TOP1MT: variants seen among roughly 807,000 people sequenced by gnomAD.
TOP1MT encodes DNA topoisomerase I, mitochondrial.
Under a neutral mutation model 73.9 loss-of-function variants are expected in TOP1MT, and 80 were observed. The observed-to-expected ratio is 1.08, with a 90% CI of 0.90 to 1.30. TOP1MT has a LOEUF of 1.30. TOP1MT is among the 50% of genes most tolerant of loss of function. TOP1MT has a pLI of 0.00. For synonymous variants in TOP1MT, 338 were observed against 326.4 expected, an observed-to-expected ratio of 1.04 and a Z score of -0.38; for missense variants, 815 against 808.0, an observed-to-expected ratio of 1.01 and a Z score of -0.10.
At chr8:143,346,993 ATTTATTTT>A (rs1386222561), upstream of TOP1MT, among the ~76,000 whole-genome samples, 1 of 149,800 alleles carries the variant, frequency 6.7e-6, no homozygotes. Context: ...TTATTTATTT[ATTTATTTT>A]GAGAGATGGA....
In TOP1MT at chr8:143,317,754, A is replaced by G; in HGVS notation, c.1299T>C (p.Thr433=). 1 of 1,614,004 alleles carries G rather than the reference A, an allele frequency of 6.2e-7. No individual in the cohort carries two copies. Among genetic ancestry groups the G allele is most frequent in the Non-Finnish European group, 8.5e-7 (1 of 1,180,012 alleles). The change falls in exon 10 of 14, where the codon ACT becomes ACC. Residue 433 remains threonine, a synonymous_variant. Coordinates refer to ENST00000329245, the MANE Select transcript of TOP1MT (RefSeq NM_052963.3). ...KVFRTYNASI[T]LQEQLRALTR... ...TCAGGGCCCGCAGCTGCTCCTGCAG[A>G]GTGATGGAGGCGTTGTAGGTCCGGA...
At chr8:143,339,069 C>T (rs949053487), upstream of TOP1MT, among the ~76,000 whole-genome samples, 5 of 152,286 alleles carry the variant, frequency 3.3e-5, no homozygotes, top group South Asian at 2.1e-4. Context: ...CCTATAAAGA[C>T]GTTTCCCACC....
At position 143,317,724 on chromosome 8, in the gene TOP1MT, G is replaced by T; in HGVS notation, c.1329C>A (p.Arg443=). 1 of 1,613,076 alleles carries T rather than the reference G, an allele frequency of 6.2e-7. No homozygotes were observed. The highest frequency in any genetic ancestry group is 8.5e-7 in the Non-Finnish European group (1 of 1,179,560). ...TLQEQLRALT[R]AEDSIAAKIL... ...AGTGTGGGTGTGGGGCAGGCTCACC[G>T]CGCGTCAGGGCCCGCAGCTGCTCCT... Residue 443 remains arginine, a splice_region_variant and synonymous_variant, in exon 10 of 14, where the codon CGC becomes CGA. Transcript: ENST00000329245.
At chr8:143,324,701 C>A in intron 5 of TOP1MT, 72 bp from the exon 6 acceptor site, 2 of 1,556,830 alleles carry the variant, frequency 1.3e-6, no homozygotes, top group Non-Finnish European at 1.7e-6. Context: ...AGGAGCTGCT[C>A]TGGTCAACCG....
intron 12 of TOP1MT, among the ~76,000 whole-genome samples, chr8:143,312,621 A>G (rs1346517113): frequency 6.6e-6 from 1 of 152,224 alleles, no homozygotes; most frequent in Non-Finnish European, 1.5e-5. Flanking sequence ...ATTCCATGAT[A>G]AAAGCATGAG....
At chr8:143,323,100 C>A (rs1424770405) in intron 7 of TOP1MT, among the ~76,000 whole-genome samples, 4 of 142,628 alleles carry the variant, frequency 2.8e-5, no homozygotes, top group African/African-American at 1.1e-4. Flanking sequence ...GCATGCCAAA[C>A]ACGCACGCCA....
chr8:143,342,393 GTTA>G lies in TOP1MT; in HGVS notation c.29+824_29+826del, dbSNP rs1271472824. 2.3e-3 allele frequency among the ~76,000 whole-genome samples: 184 copies of G among 81,748 alleles called. 4 individuals are homozygous for G. The South Asian group carries it at 0.024, about 10-fold the overall frequency. The allele number at this position is 81,748 out of a possible 152,430, so 53.6% of individuals were successfully genotyped here. A position where few individuals can be genotyped will look rare whatever the true frequency, so the allele number is the denominator to read the frequency against. ...TTATTATTAGAGACAGAGCCTCGCTGTTATTATTATTATTATTAGAGACAGAGT... is the reference window on the plus strand; with the variant it reads ...TTATTATTAGAGACAGAGCCTCGCTGTTATTATTATTATTAGAGACAGAGT... On this transcript the variant is annotated intron_variant, in intron 2 of 5. Transcript: ENST00000518007.
rs1202410424 is a variant in TOP1MT, at chr8:143,325,848, G to A, written c.484-315C>T. ...CCCGCCATGGAGGAGGAGGGCTAAG[G>A]GAATCCCTGAGAAGGCCACATGGAG... On this transcript the variant is annotated intron_variant, in intron 4 of 13. Transcript: ENST00000329245. Among the ~76,000 whole-genome samples the A allele has an allele frequency of 2.6e-5, 4 of 152,192 alleles. No homozygotes were observed. In the East Asian group the frequency reaches 5.8e-4, roughly 22 times the overall value.
upstream of TOP1MT, among the ~76,000 whole-genome samples, chr8:143,335,715 G>A (rs1216351408): frequency 6.6e-6 from 1 of 152,250 alleles, no homozygotes; most frequent in Admixed American, 6.5e-5. Flanking sequence ...GGAAGCAGAT[G>A]AATTCACATG....
intron 7 of TOP1MT, among the ~76,000 whole-genome samples, chr8:143,323,102 C>CAT (rs1816562651): frequency 7.2e-6 from 1 of 139,358 alleles, no homozygotes; most frequent in African/African-American, 2.8e-5. Context: ...ATGCCAAACA[C>CAT]GCACGCCACA....
rs772242125 is a variant in TOP1MT at position 143,331,307 on chromosome 8, T to C, written c.155A>G (p.Lys52Arg). The C allele has an allele frequency of 1.2e-6, 2 of 1,612,702 alleles. No individual in the cohort carries two copies. The highest frequency in any genetic ancestry group is 1.7e-5 in the Admixed American group (1 of 59,946). ...WEKEKHEDGV[K>R]WRQLEHKGPY... ...GCCCTTGTGCTCCAGCTGTCTCCACTTCACCCCGTCTTCGTGCTTCTCCTT... is the reference window on the plus strand; with the variant it reads ...GCCCTTGTGCTCCAGCTGTCTCCACCTCACCCCGTCTTCGTGCTTCTCCTT... The change falls in exon 2 of 14, where the codon AAG becomes AGG. Residue 52 changes from lysine to arginine, a missense_variant. By Grantham distance (26) the Lys-to-Arg change is conservative. Transcript: ENST00000329245.
At chr8:143,313,550 CAA>C (rs34073373) in intron 12 of TOP1MT, among the ~76,000 whole-genome samples, 14 of 103,358 alleles carry the variant, frequency 1.4e-4, no homozygotes, top group Admixed American at 2.3e-4. Context: ...ACTCCATCAC[CAA>C]AAAAAAAAAA....
At position 143,342,258 on chromosome 8, in the gene TOP1MT, G is replaced by A. The variant is rs189329197; in HGVS notation, c.29+962C>T. Among the ~76,000 whole-genome samples the A allele has an allele frequency of 1.6e-3, 197 of 123,544 alleles. 2 individuals are homozygous for A. Among genetic ancestry groups the A allele is most frequent in the Middle Eastern group, 5.3e-3 (1 of 188 alleles). The allele number at this position is 123,544 out of a possible 152,430, so 81.0% of individuals were successfully genotyped here. A position where few individuals can be genotyped will look rare whatever the true frequency, so the allele number is the denominator to read the frequency against. ...TTATTATTATTAGAGACAGAGTCTC[G>A]CTCTGTTATTATTATTATTAGAGAC... On this transcript the variant is annotated intron_variant, in intron 2 of 5. Coordinates refer to the TOP1MT transcript ENST00000518007.
At chr8:143,321,953 G>A (rs1191637467) in intron 7 of TOP1MT, among the ~76,000 whole-genome samples, 5 of 69,130 alleles carry the variant, frequency 7.2e-5, no homozygotes, top group Non-Finnish European at 1.1e-4. Context: ...CGCCACACAC[G>A]CACGCCACAC....
chr8:143,330,391 T>C (rs1277805062), intron 2 of TOP1MT, among the ~76,000 whole-genome samples: 1 of 152,116 alleles, frequency 6.6e-6, no homozygotes, highest in Non-Finnish European at 1.5e-5. Flanking sequence ...AGACGCTCAG[T>C]AAGGTCCCAT....
intron 7 of TOP1MT, among the ~76,000 whole-genome samples, chr8:143,322,034 T>C (rs372724435): frequency 1.3e-4 from 5 of 37,570 alleles, no homozygotes; most frequent in African/African-American, 1.8e-4. Context: ...AGGCACGCCA[T>C]ACAGATGCAT....
rs748936884 is a variant in TOP1MT at position 143,309,904 on chromosome 8, T to C, written c.1703+164A>G. 4 of 1,578,856 alleles carry C rather than the reference T, an allele frequency of 2.5e-6. No homozygotes were observed. In the African/African-American group the frequency reaches 4.0e-5, roughly 16 times the overall value. Reference sequence around the variant, plus strand: ...TCCGAACGTTCAGGGCAGGGAGAGCTGATGACACAGGACTCAGCATCATGG... The same window carrying C: ...TCCGAACGTTCAGGGCAGGGAGAGCCGATGACACAGGACTCAGCATCATGG... On this transcript the variant is annotated intron_variant, in intron 13 of 13. Coordinates refer to ENST00000329245, the MANE Select transcript of TOP1MT (RefSeq NM_052963.3).
rs928117843 is a variant in TOP1MT at position 143,321,091 on chromosome 8, G to T, written c.1146+110C>A. The T allele has an allele frequency of 7.3e-5, 85 of 1,162,998 alleles. No homozygotes were observed. In the African/African-American group the frequency reaches 1.3e-3, roughly 18 times the overall value. The allele number at this position is 1,162,998 out of a possible 1,614,324, so 72.0% of individuals were successfully genotyped here. A position where few individuals can be genotyped will look rare whatever the true frequency, so the allele number is the denominator to read the frequency against. ...CGGCACAGCAGGCCTCACCCAGCAG[G>T]CAGGACGTGGCAAACGGGCCACAGA... On this transcript the variant is annotated intron_variant, in intron 8 of 13. Coordinates refer to ENST00000329245, the MANE Select transcript of TOP1MT (RefSeq NM_052963.3).
intron 1 of TOP1MT, among the ~76,000 whole-genome samples, chr8:143,331,543 C>G (rs1006054418): frequency 1.3e-5 from 2 of 152,220 alleles, no homozygotes; most frequent in Admixed American, 1.3e-4. Context: ...CCATGCCCCC[C>G]ACCTGCAGAG....
Sources: allele counts gnomAD v4.1 joint callset (sites outside exome capture counted in the v4.1 genomes callset), GRCh38; gene constraint gnomAD v4.1.1; transcripts MANE v1.5; gene names NCBI Gene and HGNC (gene_info 2026-07-23, HGNC 2026-07-21).